The following EHBP1L1 variants were observed in gnomAD, a reference collection of about 807,000 sequenced individuals.
EHBP1L1 encodes EH domain-binding protein 1-like protein 1.
In EHBP1L1, 122 loss-of-function variants were observed where a neutral mutation model predicts 151.1. That is an observed-to-expected ratio of 0.81 (90% CI 0.70 to 0.94). EHBP1L1 has a LOEUF of 0.94. EHBP1L1 is among the 40% of genes least tolerant of loss of function. The pLI is 0.00. For missense variants in EHBP1L1, 1,941 were observed against 1,959.8 expected (o/e 0.99, Z 0.18); for synonymous variants, 878 against 810.1 (o/e 1.08, Z -1.42).
Position 65,585,425 on chromosome 11 carries a change from C to T in EHBP1L1, c.3767C>T (p.Pro1256Leu). The T allele has an allele frequency of 6.8e-7, 1 of 1,464,476 alleles. No individual in the cohort carries two copies. 90.7% of individuals were successfully genotyped at this position (1,464,476 alleles called of 1,614,324 possible). Residue 1256 changes from proline (P) to leucine (L), a missense_variant, in exon 12 of 19, where the codon CCC becomes CTC. Transcript: ENST00000309295. This position sits in a 1 kb window ranked among gnomAD's most constrained non-coding sequence, Gnocchi z 4.0. Reference protein sequence around the residue: ...PGGGGVRLRRPSVNGEPGSVP... With the variant: ...PGGGGVRLRRLSVNGEPGSVP... Reference sequence around the variant, plus strand: ...GGCGGCGGCGTGAGGCTGCGACGGCCCTCGGTCAACGGGGAGCCCGGGTCG... The same window carrying T: ...GGCGGCGGCGTGAGGCTGCGACGGCTCTCGGTCAACGGGGAGCCCGGGTCG...
At position 65,583,149 on chromosome 11, in the gene EHBP1L1, C is replaced by T; in HGVS notation, c.2477C>T (p.Ser826Phe). The T allele has an allele frequency of 6.2e-7, 1 of 1,613,184 alleles. No individual in the cohort carries two copies. ...TEILGTQEIA[S>F]RSSGVPGLES... ...ATATTGGGGACCCAAGAGATAGCATCTAGGAGTTCAGGGGTCCCAGGGCTA... is the reference window on the plus strand; with the variant it reads ...ATATTGGGGACCCAAGAGATAGCATTTAGGAGTTCAGGGGTCCCAGGGCTA... Residue 826 changes from serine (S) to phenylalanine (F), a missense_variant, in exon 9 of 19, where the codon TCT (serine) becomes TTT (phenylalanine). By Grantham distance (155) the Ser-to-Phe change is radical. Transcript: ENST00000309295.
intron 12 of EHBP1L1, among the ~76,000 whole-genome samples, chr11:65,589,537 A>G (rs1017150666): frequency 2.0e-5 from 3 of 152,136 alleles, no homozygotes; most frequent in African/African-American, 4.8e-5. Context: ...AGGGCCAGGA[A>G]GGATGAAGGC....
chr11:65,583,915 C>G, intron 9 of EHBP1L1, 150 bp downstream of exon 9: 1 of 1,418,822 alleles, frequency 7.0e-7, no homozygotes. Context: ...CCCCTCCTCT[C>G]TCAGGATGCC....
At chr11:65,579,459 T>C (rs1240033294) in intron 3 of EHBP1L1, 23 bp downstream of exon 3, 2 of 1,450,260 alleles carry the variant, frequency 1.4e-6, no homozygotes, top group Admixed American at 2.8e-5. Flanking sequence ...CCCTCCAGCA[T>C]GGATGGCAAT....
chr11:65,591,656 T>C (rs1273818867), intron 16 of EHBP1L1, 144 bp from the exon 17 acceptor site: 1 of 708,698 alleles, frequency 1.4e-6, no homozygotes, highest in Non-Finnish European at 2.6e-6. Flanking sequence ...GACTAGAGGA[T>C]AGCTCTGCGG....
Position 65,592,192 on chromosome 11 carries a change from G to C in EHBP1L1, c.4473-11G>C. 1.3e-6 allele frequency: 2 copies of C among 1,576,002 alleles called. No individual in the cohort carries two copies. The highest frequency in any genetic ancestry group is 2.7e-5 in the African/African-American group (2 of 74,228). ...CCCAACGGAGCGCTGACTCGAACCC[G>C]TTCTCCCCAGCGCCCTGGAGGAGGA... is the stretch of plus-strand genomic sequence containing the variant. On this transcript the variant is annotated splice_polypyrimidine_tract_variant and intron_variant, in intron 18 of 18. Transcript: ENST00000309295.
At position 65,585,634 on chromosome 11, in the gene EHBP1L1, G is replaced by T; in HGVS notation, c.3933+43G>T. On this transcript the variant is annotated intron_variant, in intron 12 of 18. Coordinates refer to ENST00000309295, the MANE Select transcript of EHBP1L1 (RefSeq NM_001099409.3). The surrounding 1 kb of genome is among the most constrained non-coding windows in gnomAD (Gnocchi z 4.0). The stretch of plus-strand genomic sequence containing the variant: ...TCTTTCTTCCCCCGCCGCAGCGCGG[G>T]GTCCCGGGAAGATGGGCAGAGAACG... 1.3e-6 allele frequency: 2 copies of T among 1,535,870 alleles called. No individual in the cohort carries two copies. Among genetic ancestry groups the T allele is most frequent in the South Asian group, 1.2e-5 (1 of 84,412 alleles).
Position 65,576,165 on chromosome 11 carries a change from C to T in EHBP1L1, c.-138C>T, listed in dbSNP as rs561801471. On this transcript the variant is annotated 5_prime_UTR_variant, in exon 1 of 19. Coordinates refer to ENST00000309295, the MANE Select transcript of EHBP1L1 (RefSeq NM_001099409.3). ...CAGCGGCGGCAGCGGAGAGCGCGGTCCCGGGTCGGAGCCTGGGACACCTCC... is the reference window on the plus strand; with the variant it reads ...CAGCGGCGGCAGCGGAGAGCGCGGTTCCGGGTCGGAGCCTGGGACACCTCC... The T allele has an allele frequency of 5.0e-5, 31 of 622,452 alleles. No individual in the cohort carries two copies. The highest frequency in any genetic ancestry group is 7.0e-5 in the Non-Finnish European group (30 of 427,298). The allele number at this position is 622,452 out of a possible 1,614,324, so 38.6% of individuals were successfully genotyped here.
chr11:65,581,546 A>C lies in EHBP1L1; in HGVS notation c.874A>C (p.Arg292=). 6.7e-7 allele frequency: 1 copy of C among 1,495,246 alleles called. No individual in the cohort carries two copies. Among genetic ancestry groups the C allele is most frequent in the Non-Finnish European group, 8.9e-7 (1 of 1,124,566 alleles). The allele number at this position is 1,495,246 out of a possible 1,614,324, so 92.6% of individuals were successfully genotyped here. ...PETSPEMRSS[R]QPAQDTAPTP... is the part of the protein sequence containing the mutation. Reference sequence around the variant, plus strand: ...CTCCTGCTCTCTTCTCAGGTCTTCAAGGCAGCCAGCCCAGGACACGGCCCC... The same window carrying C: ...CTCCTGCTCTCTTCTCAGGTCTTCACGGCAGCCAGCCCAGGACACGGCCCC... The change falls in exon 9 of 19, where the codon AGG becomes CGG. Residue 292 remains arginine (R), a synonymous_variant. Transcript: ENST00000309295.
Position 65,585,311 on chromosome 11 carries a change from C to T in EHBP1L1, c.3653C>T (p.Ser1218Phe), listed in dbSNP as rs1857903773. The T allele has an allele frequency of 9.3e-7, 1 of 1,079,948 alleles. No homozygotes were observed. The highest frequency in any genetic ancestry group is 1.1e-6 in the Non-Finnish European group (1 of 891,072). The allele number at this position is 1,079,948 out of a possible 1,614,324, so 66.9% of individuals were successfully genotyped here. Reference protein sequence around the residue: ...ASRNAVAGRASKDGGAEAPRE... With the variant: ...ASRNAVAGRAFKDGGAEAPRE... ...AGGAACGCGGTCGCGGGCCGCGCCT[C>T]CAAGGACGGCGGGGCCGAGGCCCCC... The change falls in exon 12 of 19, where the codon TCC becomes TTC. Residue 1218 changes from serine (S) to phenylalanine (F), a missense_variant. Coordinates refer to ENST00000309295, the MANE Select transcript of EHBP1L1 (RefSeq NM_001099409.3). The surrounding 1 kb of genome is among the most constrained non-coding windows in gnomAD (Gnocchi z 4.0).
In EHBP1L1 at chr11:65,582,154, C is replaced by A. The variant is rs372365243; in HGVS notation, c.1482C>A (p.Asp494Glu). The change falls in exon 9 of 19, where the codon GAC becomes GAA. Residue 494 changes from aspartate (D) to glutamate (E), a missense_variant. Coordinates refer to ENST00000309295, the MANE Select transcript of EHBP1L1 (RefSeq NM_001099409.3). ...CAGGGCACTCTGGGCAACTTGGTGA[C>A]CTCGAGGGGGCCAGGGCTGCTGCAG... The part of the protein sequence containing the change: ...EPAGHSGQLG[D>E]LEGARAAAGQ... 1 of 1,584,596 alleles carries A rather than the reference C, an allele frequency of 6.3e-7. No homozygotes were observed. The highest frequency in any genetic ancestry group is 8.6e-7 in the Non-Finnish European group (1 of 1,166,162).
intron 18 of EHBP1L1, 31 bp from the exon 19 acceptor site, chr11:65,592,172 C>G (rs1858362893): frequency 1.3e-6 from 2 of 1,598,486 alleles, no homozygotes; most frequent in South Asian, 1.1e-5. Flanking sequence ...CCCCGCCCAA[C>G]GGAGCGCTGA....
chr11:65,583,557 TAG>T lies in EHBP1L1; in HGVS notation c.2888_2889del (p.Glu963ValfsTer10), dbSNP rs1485731171. On this transcript the variant is annotated frameshift_variant, in exon 9 of 19. Coordinates refer to ENST00000309295, the MANE Select transcript of EHBP1L1 (RefSeq NM_001099409.3). LOFTEE classifies it high-confidence loss of function. ...GCCCAGGAAGCAGAGATGAAGGTTTTAGAGTCTCCAGAGAACAAATCTGGTAC... is the reference window on the plus strand; with the variant it reads ...GCCCAGGAAGCAGAGATGAAGGTTTTAGTCTCCAGAGAACAAATCTGGTAC... The T allele has an allele frequency of 6.2e-7, 1 of 1,612,704 alleles. No individual in the cohort carries two copies. The highest frequency in any genetic ancestry group is 1.7e-5 in the Admixed American group (1 of 59,842).
In EHBP1L1 at chr11:65,576,166, C is replaced by T; in HGVS notation, c.-137C>T. The T allele has an allele frequency of 3.2e-6, 2 of 632,970 alleles. No individual in the cohort carries two copies. The highest frequency in any genetic ancestry group is 4.6e-6 in the Non-Finnish European group (2 of 436,852). The allele number at this position is 632,970 out of a possible 1,614,324, so 39.2% of individuals were successfully genotyped here. A position where few individuals can be genotyped will look rare whatever the true frequency, so the allele number is the denominator to read the frequency against. ...AGCGGCGGCAGCGGAGAGCGCGGTC[C>T]CGGGTCGGAGCCTGGGACACCTCCG... On this transcript the variant is annotated 5_prime_UTR_variant, in exon 1 of 19. Coordinates refer to ENST00000309295, the MANE Select transcript of EHBP1L1 (RefSeq NM_001099409.3).
chr11:65,586,716 GAGAC>G (rs1165216040), intron 12 of EHBP1L1, among the ~76,000 whole-genome samples: 6 of 152,368 alleles, frequency 3.9e-5, no homozygotes, highest in Non-Finnish European at 7.3e-5. Flanking sequence ...CTGTGAGTGA[GAGAC>G]AGAGGGCATG....
In EHBP1L1 at chr11:65,579,397, G is replaced by A; in HGVS notation, c.219G>A (p.Met73Ile). The A allele has an allele frequency of 6.3e-7, 1 of 1,575,110 alleles. No individual in the cohort carries two copies. The highest frequency in any genetic ancestry group is 8.6e-7 in the Non-Finnish European group (1 of 1,159,712). Residue 73 changes from methionine to isoleucine, a missense_variant, in exon 3 of 19, where the codon ATG (methionine) becomes ATA (isoleucine). Coordinates refer to ENST00000309295, the MANE Select transcript of EHBP1L1 (RefSeq NM_001099409.3). The part of the protein sequence containing the change: ...QNPYRGTVVW[M>I]VPENVDISVT... ...CATACCGGGGCACCGTGGTGTGGATGGTACCTGAGAATGTGGACATCTCTG... is the reference window on the plus strand; with the variant it reads ...CATACCGGGGCACCGTGGTGTGGATAGTACCTGAGAATGTGGACATCTCTG...
chr11:65,576,457 C>A, intron 1 of EHBP1L1, 51 bp downstream of exon 1: 2 of 1,507,238 alleles, frequency 1.3e-6, no homozygotes, highest in Non-Finnish European at 9.0e-7. Context: ...GGGACCTCAT[C>A]CGGCCCTTTG....
chr11:65,585,214 G>T lies in EHBP1L1; in HGVS notation c.3556G>T (p.Gly1186Trp), dbSNP rs1452760338. 2 of 1,145,314 alleles carry T rather than the reference G, an allele frequency of 1.7e-6. No individual in the cohort carries two copies. Among genetic ancestry groups the T allele is most frequent in the Non-Finnish European group, 2.1e-6 (2 of 932,018 alleles). 70.9% of individuals were successfully genotyped at this position (1,145,314 alleles called of 1,614,324 possible). ...GGLAQRLRGH[G>W]AEGPQEPKEA... ...CCTGGCGCAGCGGCTGCGCGGTCAC[G>T]GGGCCGAGGGGCCCCAGGAGCCCAA... is the stretch of plus-strand genomic sequence containing the variant. The change falls in exon 12 of 19, where the codon GGG (glycine) becomes TGG (tryptophan). Residue 1186 changes from glycine to tryptophan, a missense_variant. Physicochemically the swap from Gly to Trp is radical, Grantham distance 184 (BLOSUM62 -2). Transcript: ENST00000309295. This position sits in a 1 kb window ranked among gnomAD's most constrained non-coding sequence, Gnocchi z 4.0.
intron 8 of EHBP1L1, 68 bp from the exon 9 acceptor site, chr11:65,581,471 G>A (rs1857606616): frequency 7.1e-7 from 1 of 1,413,394 alleles, no homozygotes; most frequent in Non-Finnish European, 9.4e-7. Context: ...CAGTCTGAAG[G>A]GTGGCGGATG....
Sources: gnomAD v4.1 joint callset for allele counts (sites outside exome capture counted in the v4.1 genomes callset) on GRCh38, gnomAD v4.1.1 for gene constraint, Gnocchi (gnomAD v3.1) non-coding constraint, MANE v1.5 for transcripts, NCBI Gene and HGNC (gene_info 2026-07-23, HGNC 2026-07-21) for gene names.